Variants in CHCHD3 observed in about 807,000 individuals in gnomAD.
The protein encoded by CHCHD3 is coiled-coil-helix-coiled-coil-helix domain containing 3, also known as MICOS complex subunit MIC19.
Under a neutral mutation model 38.2 loss-of-function variants are expected in CHCHD3, and 20 were observed. The observed-to-expected ratio is 0.52, with a 90% CI of 0.37 to 0.76. The LOEUF (loss-of-function observed/expected upper bound fraction) is 0.76. CHCHD3 is among the 30% of genes least tolerant of loss of function. CHCHD3 has a pLI of 0.00. For missense variants in CHCHD3, 245 were observed against 279.2 expected (o/e 0.88, Z 0.87); for synonymous variants, 82 against 100.0 (o/e 0.82, Z 1.07).
At chr7:132,881,501 G>A (rs545010231) in intron 5 of CHCHD3, among the ~76,000 whole-genome samples, 1 of 152,234 alleles carries the variant, frequency 6.6e-6, no homozygotes, top group South Asian at 2.1e-4. Context: ...TGCGCAGATG[G>A]TAAGGTTATC....
intron 4 of CHCHD3, among the ~76,000 whole-genome samples, chr7:132,926,132 A>G (rs2117246235): frequency 6.6e-6 from 1 of 152,362 alleles, no homozygotes; most frequent in East Asian, 1.9e-4. Flanking sequence ...TTCCAGAGGC[A>G]ATGTGGAACA....
At chr7:132,875,485 T>G (rs1808872809) in intron 5 of CHCHD3, among the ~76,000 whole-genome samples, 1 of 152,216 alleles carries the variant, frequency 6.6e-6, no homozygotes. Context: ...TAATTTAACC[T>G]GATGGATCTC....
chr7:132,953,186 C>T (rs188731229), intron 4 of CHCHD3, among the ~76,000 whole-genome samples: 204 of 152,264 alleles, frequency 1.3e-3, no homozygotes, highest in Admixed American at 2.5e-3. Context: ...CGCGGCCTTA[C>T]TAAGTGATTA....
At chr7:132,954,675 T>A (rs6968495) in intron 4 of CHCHD3, among the ~76,000 whole-genome samples, 7 of 152,036 alleles carry the variant, frequency 4.6e-5, no homozygotes, top group Non-Finnish European at 1.0e-4. Context: ...ATTCCTCAGA[T>A]GGTACAATTC....
chr7:133,055,326 AATT>A (rs1019340832), intron 2 of CHCHD3, among the ~76,000 whole-genome samples: 1 of 145,712 alleles, frequency 6.9e-6, no homozygotes, highest in Admixed American at 6.9e-5. Flanking sequence ...TATTATATAT[AATT>A]GTTATATATT....
At chr7:133,039,614 C>T (rs1187862740) in intron 2 of CHCHD3, among the ~76,000 whole-genome samples, 4 of 152,218 alleles carry the variant, frequency 2.6e-5, no homozygotes, top group Non-Finnish European at 4.4e-5. Context: ...CACTTGAAGT[C>T]TTGACTATGC....
chr7:133,020,117 T>G (rs979649173), intron 3 of CHCHD3, among the ~76,000 whole-genome samples: 2 of 152,184 alleles, frequency 1.3e-5, no homozygotes, highest in African/African-American at 4.8e-5. Context: ...GTGTGTGCAC[T>G]AATCTATCAG....
intron 6 of CHCHD3, among the ~76,000 whole-genome samples, chr7:132,798,214 G>GA (rs889188029): frequency 1.1e-4 from 16 of 150,522 alleles, no homozygotes; most frequent in Admixed American, 2.6e-4. Flanking sequence ...GACATACAGA[G>GA]AAAAAAAAAT....
chr7:132,944,067 T>C (rs974052808), intron 4 of CHCHD3, among the ~76,000 whole-genome samples: 5 of 152,144 alleles, frequency 3.3e-5, no homozygotes, highest in African/African-American at 4.8e-5. Context: ...CATTAAAATA[T>C]ACTCTTTAAA....
intron 4 of CHCHD3, among the ~76,000 whole-genome samples, chr7:132,902,219 G>A (rs937430968): frequency 1.2e-4 from 18 of 152,188 alleles, no homozygotes; most frequent in Non-Finnish European, 2.2e-4. Context: ...CACTGTTGGT[G>A]GGACTGTAAA....
intron 2 of CHCHD3, among the ~76,000 whole-genome samples, chr7:133,040,467 G>A (rs1009547824): frequency 4.6e-5 from 7 of 152,086 alleles, no homozygotes; most frequent in Admixed American, 2.6e-4. Flanking sequence ...ACCAGACATT[G>A]AGAACTGGGG....
At chr7:133,041,225 T>C (rs1813828993) in intron 2 of CHCHD3, among the ~76,000 whole-genome samples, 1 of 152,234 alleles carries the variant, frequency 6.6e-6, no homozygotes, top group Non-Finnish European at 1.5e-5. Context: ...GTGAGAATTA[T>C]ATCACCTTCT....
Position 132,985,438 on chromosome 7 carries a change from G to A in CHCHD3, c.252-10152C>T, listed in dbSNP as rs1301775992. Among the ~76,000 whole-genome samples, 6 of 63,006 alleles carry A rather than the reference G, an allele frequency of 9.5e-5. 2 individuals are homozygous for A. The highest frequency in any genetic ancestry group is 3.4e-4 in the Admixed American group (2 of 5,960). The allele number at this position is 63,006 out of a possible 152,430, so 41.3% of individuals were successfully genotyped here. On this transcript the variant is annotated intron_variant, in intron 3 of 7. Transcript: ENST00000262570. ...CGGGAGGTGAGGGGCGCCTCTGCCC[G>A]GCCGCCCCTACTGGGAAGAGAGGAG...
intron 5 of CHCHD3, among the ~76,000 whole-genome samples, chr7:132,844,744 C>T (rs1464707526): frequency 1.3e-5 from 2 of 152,184 alleles, no homozygotes; most frequent in Non-Finnish European, 2.9e-5. Context: ...CTGATAAAGA[C>T]TTGCACATCC....
intron 2 of CHCHD3, chr7:133,036,134 C>T: frequency 1.7e-6 from 1 of 598,496 alleles, no homozygotes; most frequent in Non-Finnish European, 3.0e-6. Context: ...CCCCAACTCT[C>T]ACCCCATGAC....
intron 4 of CHCHD3, among the ~76,000 whole-genome samples, chr7:132,942,435 C>T (rs1810793076): frequency 6.6e-6 from 1 of 152,078 alleles, no homozygotes; most frequent in South Asian, 2.1e-4. Flanking sequence ...AGACTTTTGA[C>T]AGAAGCATCA....
chr7:133,027,584 C>T (rs1339405432), intron 2 of CHCHD3, among the ~76,000 whole-genome samples: 1 of 152,116 alleles, frequency 6.6e-6, no homozygotes, highest in African/African-American at 2.4e-5. Flanking sequence ...AGGTATTAAC[C>T]TCTCTGGGCA....
chr7:132,922,672 T>A (rs190625251), intron 4 of CHCHD3, among the ~76,000 whole-genome samples: 11 of 152,298 alleles, frequency 7.2e-5, no homozygotes, highest in African/African-American at 2.2e-4. Context: ...GGCAAGAAAC[T>A]ATTCTGATTA....
At position 132,788,549 on chromosome 7, in the gene CHCHD3, G is replaced by A. The variant is rs1305037250; in HGVS notation, c.661-2889C>T. On this transcript the variant is annotated intron_variant, in intron 7 of 7. Coordinates refer to ENST00000262570, the MANE Select transcript of CHCHD3 (RefSeq NM_017812.4). This position sits in a 1 kb window ranked among gnomAD's most constrained non-coding sequence, Gnocchi z 4.0. The stretch of plus-strand genomic sequence containing the variant: ...AGAGATTGTTTTTACTATTCTCTCT[G>A]CAACCTCAACCAAATATAGATGGGT... Among the ~76,000 whole-genome samples, 1 of 152,148 alleles carries A rather than the reference G, an allele frequency of 6.6e-6. No homozygotes were observed. Among genetic ancestry groups the A allele is most frequent in the African/African-American group, 2.4e-5 (1 of 41,424 alleles).
Sources: allele counts gnomAD v4.1 joint callset (sites outside exome capture counted in the v4.1 genomes callset), GRCh38; gene constraint gnomAD v4.1.1; non-coding constraint Gnocchi (gnomAD v3.1); transcripts MANE v1.5; gene names NCBI Gene and HGNC (gene_info 2026-07-23, HGNC 2026-07-21).